The following ADCY3 variants were observed in gnomAD, a reference collection of about 807,000 sequenced individuals.
ADCY3 encodes the protein adenylate cyclase 3, also known as adenylate cyclase type 3.
A neutral mutation model predicts 119.4 loss-of-function variants in ADCY3; 70 were observed. The observed-to-expected ratio is 0.59, with a 90% CI of 0.48 to 0.72. ADCY3 has a LOEUF of 0.72. Ranked by LOEUF, ADCY3 falls within the 30% of genes least tolerant of loss-of-function variation. The probability of loss-of-function intolerance (pLI) is 0.00; values close to 1 mark genes in which losing one functional copy is unlikely to be tolerated. For synonymous variants in ADCY3, 672 were observed against 621.4 expected (o/e 1.08, Z -1.21); for missense variants, 1,238 against 1,541.6 (o/e 0.80, Z 3.30).
intron 3 of ADCY3, among the ~76,000 whole-genome samples, chr2:24,861,855 C>T (rs547178835): frequency 6.6e-5 from 10 of 152,344 alleles, no homozygotes; most frequent in Non-Finnish European, 8.8e-5. Flanking sequence ...TGGGGGCCAG[C>T]GTGACGGCAT....
rs1668609514 is a variant in ADCY3 at position 24,826,299 on chromosome 2, A to G, written c.2496-173T>C. 2.7e-5 allele frequency: 16 copies of G among 588,432 alleles called. No individual in the cohort carries two copies. In the South Asian group the frequency reaches 3.3e-4, roughly 12 times the overall value. 36.5% of individuals were successfully genotyped at this position (588,432 alleles called of 1,614,324 possible). On this transcript the variant is annotated intron_variant, in intron 15 of 21. Transcript: ENST00000679454. Reference sequence around the variant, plus strand: ...TCCCCCGGGCAGTAAAATTTTCTTAACTCACTGGGCTCCTCTCCAACAGCC... The same window carrying G: ...TCCCCCGGGCAGTAAAATTTTCTTAGCTCACTGGGCTCCTCTCCAACAGCC...
chr2:24,887,801 A>T (rs1677234739), intron 2 of ADCY3, among the ~76,000 whole-genome samples: 1 of 152,166 alleles, frequency 6.6e-6, no homozygotes, highest in Non-Finnish European at 1.5e-5. Flanking sequence ...AAATGCAAAT[A>T]ACCACAGGCC....
chr2:24,913,264 T>C (rs1239366754), intron 2 of ADCY3, among the ~76,000 whole-genome samples: 1 of 152,256 alleles, frequency 6.6e-6, no homozygotes, highest in African/African-American at 2.4e-5. Flanking sequence ...GCCCCCTGCC[T>C]TTCTCAAGTA....
chr2:24,827,979 G>A lies in ADCY3; in HGVS notation c.2355C>T (p.Gly785=), dbSNP rs1488780277. 23 of 1,614,118 alleles carry A rather than the reference G, an allele frequency of 1.4e-5. No individual in the cohort carries two copies. Among genetic ancestry groups the A allele is most frequent in the East Asian group, 1.3e-4 (6 of 44,896 alleles). ...CATAGAGGTTGATGGTGGCCACGGC[G>A]CCTGCGACGAGCAGCATGAGCGTGA... ...VKLTLMLLVA[G]AVATINLYAW... The change falls in exon 14 of 22, where the codon GGC becomes GGT. Residue 785 remains glycine, a synonymous_variant. Transcript: ENST00000679454.
In ADCY3 at chr2:24,840,019, C is replaced by G; in HGVS notation, c.1209G>C (p.Glu403Asp). 1.2e-6 allele frequency: 2 copies of G among 1,610,996 alleles called. No homozygotes were observed. The highest frequency in any genetic ancestry group is 1.7e-6 in the Non-Finnish European group (2 of 1,177,734). ...GCATGTCCACCCCAGTCTTGGTCTT[C>G]TCCCGCACATACCTGCCAGGTACAC... is the stretch of plus-strand genomic sequence containing the variant. Reference protein sequence around the residue: ...AMVEAISYVREKTKTGVDMRV... With the variant: ...AMVEAISYVRDKTKTGVDMRV... The change falls in exon 7 of 22, where the codon GAG (glutamate) becomes GAC (aspartate). Residue 403 changes from glutamate (E) to aspartate (D), a missense_variant. Transcript: ENST00000679454.
intron 2 of ADCY3, among the ~76,000 whole-genome samples, chr2:24,902,242 G>A (rs1412118018): frequency 6.6e-6 from 1 of 151,708 alleles, no homozygotes; most frequent in Non-Finnish European, 1.5e-5. Flanking sequence ...CACCACGCCT[G>A]GCTAATTTTT....
chr2:24,827,488 C>G (rs1024313786), intron 15 of ADCY3, 58 bp downstream of exon 15: 2 of 1,540,756 alleles, frequency 1.3e-6, no homozygotes, highest in Admixed American at 1.9e-5. Context: ...CTGTTATATT[C>G]CTGTCTCTAG....
chr2:24,861,476 C>A (rs1467081634), intron 3 of ADCY3, among the ~76,000 whole-genome samples: 1 of 152,172 alleles, frequency 6.6e-6, no homozygotes, highest in Non-Finnish European at 1.5e-5. Context: ...CCTCAAATGG[C>A]TCTTTGGAGC....
At chr2:24,861,274 A>C (rs1185126616) in intron 3 of ADCY3, among the ~76,000 whole-genome samples, 1 of 151,276 alleles carries the variant, frequency 6.6e-6, no homozygotes, top group African/African-American at 2.4e-5. Flanking sequence ...AAAAAAGATA[A>C]GAGCACCTGA....
chr2:24,878,719 C>T lies in ADCY3; in HGVS notation c.676-6000G>A, dbSNP rs558651172. Among the ~76,000 whole-genome samples, 257 of 152,294 alleles carry T rather than the reference C, an allele frequency of 1.7e-3. 1 individual carries two copies. The highest frequency in any genetic ancestry group is 6.0e-3 in the African/African-American group (248 of 41,562). On this transcript the variant is annotated intron_variant, in intron 2 of 21. Transcript: ENST00000679454. The surrounding 1 kb of genome is among the most constrained non-coding windows in gnomAD (Gnocchi z 4.0). Reference sequence around the variant, plus strand: ...GAGGCCCAGCCAGAGCCTGTGAGGCCGCCACTCAGCACAGATGGGTCCCAC... The same window carrying T: ...GAGGCCCAGCCAGAGCCTGTGAGGCTGCCACTCAGCACAGATGGGTCCCAC...
chr2:24,879,239 G>A (rs558590196), intron 2 of ADCY3, among the ~76,000 whole-genome samples: 19 of 152,184 alleles, frequency 1.2e-4, no homozygotes, highest in African/African-American at 3.1e-4. Flanking sequence ...TTGGGAGGCC[G>A]ATGTGGGCAG....
At chr2:24,904,010 C>A (rs1558519221) in intron 2 of ADCY3, among the ~76,000 whole-genome samples, 1 of 152,188 alleles carries the variant, frequency 6.6e-6, no homozygotes, top group East Asian at 1.9e-4. Flanking sequence ...ATGCCAGCAG[C>A]CTTCTTCACC....
At position 24,834,341 on chromosome 2, in the gene ADCY3, G is replaced by A; in HGVS notation, c.1967+144C>T. ...GTGCCGTCTAGCACTCCTGGGGCCTGTGGGGGCCGTCCCAGTGGGGGTCAG... is the reference window on the plus strand; with the variant it reads ...GTGCCGTCTAGCACTCCTGGGGCCTATGGGGGCCGTCCCAGTGGGGGTCAG... On this transcript the variant is annotated intron_variant, in intron 11 of 21. Coordinates refer to ENST00000679454, the MANE Select transcript of ADCY3 (RefSeq NM_004036.5). The surrounding 1 kb of genome is among the most constrained non-coding windows in gnomAD (Gnocchi z 4.2). 9.7e-7 allele frequency: 1 copy of A among 1,032,408 alleles called. No homozygotes were observed. Among genetic ancestry groups the A allele is most frequent in the South Asian group, 1.6e-5 (1 of 60,790 alleles). The allele number at this position is 1,032,408 out of a possible 1,614,324, so 64.0% of individuals were successfully genotyped here. A position where few individuals can be genotyped will look rare whatever the true frequency, so the allele number is the denominator to read the frequency against.
Position 24,834,429 on chromosome 2 carries a change from C to G in ADCY3, c.1967+56G>C, listed in dbSNP as rs2278486. ...CGCTGAGACACCTGCCCCCGCCCCC[C>G]GCCCGGCACCACCGCAGCCGAGGAA... On this transcript the variant is annotated intron_variant, in intron 11 of 21. Transcript: ENST00000679454. The surrounding 1 kb of genome is among the most constrained non-coding windows in gnomAD (Gnocchi z 4.2). 0.26 allele frequency: 322,864 copies of G among 1,262,228 alleles called. 37,659 individuals carry two copies. The highest frequency in any genetic ancestry group is 0.29 in the Non-Finnish European group (263,675 of 914,472). 78.2% of individuals were successfully genotyped at this position (1,262,228 alleles called of 1,614,324 possible). A position where few individuals can be genotyped will look rare whatever the true frequency, so the allele number is the denominator to read the frequency against.
intron 13 of ADCY3, among the ~76,000 whole-genome samples, chr2:24,828,832 G>A (rs1669001008): frequency 6.6e-6 from 1 of 152,010 alleles, no homozygotes; most frequent in Non-Finnish European, 1.5e-5. Context: ...GCATCTCCAG[G>A]TGTCCTGTAC....
In ADCY3 at chr2:24,870,639, C is replaced by T. The variant is rs568226794; in HGVS notation, c.825+1931G>A. 2.4e-4 allele frequency among the ~76,000 whole-genome samples: 36 copies of T among 152,294 alleles called. 1 individual carries two copies. The South Asian group carries it at 7.5e-3, about 32-fold the overall frequency. On this transcript the variant is annotated intron_variant, in intron 3 of 21. Transcript: ENST00000679454. ...AATGCAGAGAAGCACCACTGTGGCC[C>T]GGGCAGGCTGCTAGCACCCTCAGGA... is the stretch of plus-strand genomic sequence containing the variant.
rs1166992045 is a variant in ADCY3, at chr2:24,819,227, T to TTCTC, written c.*701_*704dup. On this transcript the variant is annotated 3_prime_UTR_variant, in exon 22 of 22. Transcript: ENST00000679454. ...CTTGTTCTTTATCAATACCTGTAAA[T>TTCTC]TCTCTTAAAGCAGTAGCAAAGGCGA... 7 of 152,626 alleles carry TTCTC rather than the reference T, an allele frequency of 4.6e-5. No individual in the cohort carries two copies. 9.5% of individuals were successfully genotyped at this position (152,626 alleles called of 1,614,324 possible). A position where few individuals can be genotyped will look rare whatever the true frequency, so the allele number is the denominator to read the frequency against.
In ADCY3 at chr2:24,830,832, G is replaced by C; in HGVS notation, c.2056-7C>G. 1.9e-6 allele frequency: 3 copies of C among 1,610,036 alleles called. No homozygotes were observed. ...CAAGCTTCTTAGGAAAGGCCTAGAAGGAACAGAATTTCAAGGGCCATGAGC... is the reference window on the plus strand; with the variant it reads ...CAAGCTTCTTAGGAAAGGCCTAGAACGAACAGAATTTCAAGGGCCATGAGC... On this transcript the variant is annotated splice_polypyrimidine_tract_variant and splice_region_variant and intron_variant, in intron 12 of 21. Coordinates refer to ENST00000679454, the MANE Select transcript of ADCY3 (RefSeq NM_004036.5).
chr2:24,845,752 G>C (rs959471553), intron 3 of ADCY3, among the ~76,000 whole-genome samples: 2 of 152,238 alleles, frequency 1.3e-5, no homozygotes, highest in Admixed American at 1.3e-4. Context: ...ATGTCTCCAG[G>C]GCATGTCAGA....
Sources: gnomAD v4.1 joint callset for allele counts (sites outside exome capture counted in the v4.1 genomes callset) on GRCh38, gnomAD v4.1.1 for gene constraint, Gnocchi (gnomAD v3.1) non-coding constraint, MANE v1.5 for transcripts, NCBI Gene and HGNC (gene_info 2026-07-23, HGNC 2026-07-21) for gene names.